Variants in SARS1 observed in about 807,000 individuals in gnomAD.
The protein encoded by SARS1 is serine--tRNA ligase, cytoplasmic.
In SARS1, 25 loss-of-function variants were observed where a neutral mutation model predicts 63.7. That is an observed-to-expected ratio of 0.39 (90% CI 0.29 to 0.55). The LOEUF (loss-of-function observed/expected upper bound fraction) is 0.55. SARS1 is among the 20% of genes least tolerant of loss of function. The probability of loss-of-function intolerance (pLI) is 0.62; values close to 1 mark genes in which losing one functional copy is unlikely to be tolerated. For synonymous variants in SARS1, 231 were observed against 243.5 expected (o/e 0.95, Z 0.48); for missense variants, 417 against 649.7 (o/e 0.64, Z 3.89).
chr1:109,226,683 T>TATATATATATATACAC (rs1426770488), intron 2 of SARS1, among the ~76,000 whole-genome samples: 13 of 41,630 alleles, frequency 3.1e-4, no homozygotes, highest in Non-Finnish European at 5.3e-4. Context: ...AAAAAATATA[T>TATATATATATATACAC]ATATATATAT....
rs763478132 is a variant in SARS1, at chr1:109,231,750, G to A, written c.711G>A (p.Val237=). The stretch of plus-strand genomic sequence containing the variant: ...TGAGGAAGGAGGTCATGCAGGAGGT[G>A]GCACAGCTCAGCCAGTTTGATGAAG... The part of the protein sequence containing the change: ...FFMRKEVMQE[V]AQLSQFDEEL... The change falls in exon 6 of 11, where the codon GTG becomes GTA. Residue 237 remains valine, a synonymous_variant. Transcript: ENST00000234677. 2 of 1,581,658 alleles carry A rather than the reference G, an allele frequency of 1.3e-6. No individual in the cohort carries two copies. The highest frequency in any genetic ancestry group is 2.3e-5 in the South Asian group (2 of 86,412).
intron 1 of SARS1, 150 bp from the exon 2 acceptor site, chr1:109,223,828 A>G: frequency 1.5e-6 from 1 of 647,822 alleles, no homozygotes; most frequent in Non-Finnish European, 2.8e-6. Context: ...AAAAAGCTGT[A>G]AGATTTTATA....
At chr1:109,215,626 T>C in intron 1 of SARS1, 1 of 976,762 alleles carries the variant, frequency 1.0e-6, no homozygotes. Flanking sequence ...TTATATTCTT[T>C]ATGAAAAGCA....
chr1:109,216,861 G>A lies in SARS1; in HGVS notation c.136+2733G>A, dbSNP rs554418679. 1.6e-4 allele frequency: 150 copies of A among 915,452 alleles called. No homozygotes were observed. In the African/African-American group the frequency reaches 1.7e-3, roughly 11 times the overall value. The allele number at this position is 915,452 out of a possible 1,614,324, so 56.7% of individuals were successfully genotyped here. ...TGGCCTCAAACTCCTGGCCTCAAGC[G>A]ATCCTCCCACCTCGGCCTCCCAAAG... On this transcript the variant is annotated intron_variant, in intron 1 of 10. Transcript: ENST00000234677.
At chr1:109,226,677 AATAT>A (rs1553177726) in intron 2 of SARS1, among the ~76,000 whole-genome samples, 1 of 44,980 alleles carries the variant, frequency 2.2e-5, no homozygotes, top group African/African-American at 8.3e-5. Flanking sequence ...AAAAAAAAAA[AATAT>A]ATATATATAT....
At position 109,216,143 on chromosome 1, in the gene SARS1, A is replaced by T. The variant is rs771138436; in HGVS notation, c.136+2015A>T. On this transcript the variant is annotated intron_variant, in intron 1 of 10. Transcript: ENST00000234677. Reference sequence around the variant, plus strand: ...CCAAGGTAGACACTGGCAGATTTATATCAAGGTTCTTTGACATCTTGAACT... The same window carrying T: ...CCAAGGTAGACACTGGCAGATTTATTTCAAGGTTCTTTGACATCTTGAACT... 1,609 of 985,326 alleles carry T rather than the reference A, an allele frequency of 1.6e-3. 2 individuals are homozygous for T. Among genetic ancestry groups the T allele is most frequent in the Non-Finnish European group, 1.9e-3 (1,561 of 829,934 alleles). 61.0% of individuals were successfully genotyped at this position (985,326 alleles called of 1,614,324 possible).
intron 1 of SARS1, among the ~76,000 whole-genome samples, chr1:109,219,262 C>CATATATAT (rs142272817): frequency 0.083 from 6,347 of 76,298 alleles, 590 homozygotes; most frequent in Non-Finnish European, 0.12. Context: ...CAAGACTCTC[C>CATATATAT]ATATATATAT....
At position 109,235,257 on chromosome 1, in the gene SARS1, G is replaced by T; in HGVS notation, c.795G>T (p.Glu265Asp). The change falls in exon 7 of 11, where the codon GAG (glutamate) becomes GAT (aspartate). Residue 265 changes from glutamate (E) to aspartate (D), a missense_variant. By Grantham distance (45) the Glu-to-Asp change is conservative. This residue lies in a region of SARS1 where 359 missense variants were observed against 529.6 expected (regional missense o/e 0.68). Transcript: ENST00000234677. This position sits in a 1 kb window ranked among gnomAD's most constrained non-coding sequence, Gnocchi z 4.7. ...AGTCTGATGACAACTCCTATGATGA[G>T]AAGTACCTGATTGCCACCTCAGAGC... ...SEKSDDNSYD[E>D]KYLIATSEQP... The T allele has an allele frequency of 6.2e-7, 1 of 1,614,152 alleles. No homozygotes were observed. The highest frequency in any genetic ancestry group is 1.1e-5 in the South Asian group (1 of 91,088).
At chr1:109,229,335 G>C (rs1361656135) in intron 3 of SARS1, 79 bp from the exon 4 acceptor site, 17 of 1,465,590 alleles carry the variant, frequency 1.2e-5, no homozygotes, top group African/African-American at 1.4e-5. Flanking sequence ...AGCACAACAG[G>C]GTTAGGGCAA....
chr1:109,238,148 C>G lies in SARS1; in HGVS notation c.*260C>G. 1 of 478,900 alleles carries G rather than the reference C, an allele frequency of 2.1e-6. No individual in the cohort carries two copies. The highest frequency in any genetic ancestry group is 3.8e-6 in the Non-Finnish European group (1 of 264,784). 29.7% of individuals were successfully genotyped at this position (478,900 alleles called of 1,614,324 possible). On this transcript the variant is annotated 3_prime_UTR_variant, in exon 11 of 11. Transcript: ENST00000234677. ...TAGGACTCTTCCTCAGTCTTCTTCC[C>G]CGGGCTTGAACCCCGCCTCTGAGGT...
At chr1:109,227,119 C>T (rs991039173) in intron 2 of SARS1, among the ~76,000 whole-genome samples, 1 of 151,492 alleles carries the variant, frequency 6.6e-6, no homozygotes, top group Admixed American at 6.6e-5. Flanking sequence ...TTCAGCCTCC[C>T]GAGTAGTTGG....
chr1:109,235,547 CT>C lies in SARS1; in HGVS notation c.969+118del. ...CTGGCTCCAGCTTTTCCTCTCATTG[CT>C]TACCTCTGTGTTTCTGGGGAAGTGC... On this transcript the variant is annotated intron_variant, in intron 7 of 10. Coordinates refer to ENST00000234677, the MANE Select transcript of SARS1 (RefSeq NM_006513.4). The surrounding 1 kb of genome is among the most constrained non-coding windows in gnomAD (Gnocchi z 4.7). 1 of 829,834 alleles carries C rather than the reference CT, an allele frequency of 1.2e-6. No homozygotes were observed. The highest frequency in any genetic ancestry group is 1.9e-6 in the Non-Finnish European group (1 of 529,854). 51.4% of individuals were successfully genotyped at this position (829,834 alleles called of 1,614,324 possible).
intron 3 of SARS1, 147 bp from the exon 4 acceptor site, chr1:109,229,267 A>G: frequency 1.3e-6 from 1 of 755,908 alleles, no homozygotes. Flanking sequence ...AGGAAATCTC[A>G]GTTCTTAAAA....
rs1655337621 is a variant in SARS1, at chr1:109,237,453, T to C, written c.1387+80T>C. On this transcript the variant is annotated intron_variant, in intron 10 of 10. Transcript: ENST00000234677. This position sits in a 1 kb window ranked among gnomAD's most constrained non-coding sequence, Gnocchi z 4.1. Reference sequence around the variant, plus strand: ...TAAATAGCAGTCCCCTTTCAGGATATACCAGGTTTTTTTGTTCAGACACAG... The same window carrying C: ...TAAATAGCAGTCCCCTTTCAGGATACACCAGGTTTTTTTGTTCAGACACAG... The C allele has an allele frequency of 6.3e-7, 1 of 1,591,856 alleles. No individual in the cohort carries two copies. The highest frequency in any genetic ancestry group is 8.6e-7 in the Non-Finnish European group (1 of 1,165,398).
At position 109,229,482 on chromosome 1, in the gene SARS1, G is replaced by A. The variant is rs531115562; in HGVS notation, c.357G>A (p.Ala119=). ...ATGAAGCCATCCTGAAGTGTGACGC[G>A]GAGCGGATAAAGTTGGAAGCAGAGC... ...LIDEAILKCD[A]ERIKLEAERF... Residue 119 remains alanine, a synonymous_variant, in exon 4 of 11, where the codon GCG becomes GCA. Transcript: ENST00000234677. The A allele has an allele frequency of 2.3e-5, 37 of 1,614,182 alleles. No individual in the cohort carries two copies. The highest frequency in any genetic ancestry group is 3.3e-4 in the Middle Eastern group (2 of 6,062).
At chr1:109,229,624 C>A (rs1406919356) in intron 4 of SARS1, 52 bp downstream of exon 4, 1 of 1,574,354 alleles carries the variant, frequency 6.4e-7, no homozygotes, top group Admixed American at 1.8e-5. Context: ...GCTGTCTCTG[C>A]AGGGGCGGGG....
chr1:109,214,415 C>T lies in SARS1; in HGVS notation c.136+287C>T, dbSNP rs1013086272. 103 of 703,678 alleles carry T rather than the reference C, an allele frequency of 1.5e-4. 1 individual carries two copies. Among genetic ancestry groups the T allele is most frequent in the Non-Finnish European group, 1.8e-4 (91 of 512,578 alleles). 43.6% of individuals were successfully genotyped at this position (703,678 alleles called of 1,614,324 possible). A position where few individuals can be genotyped will look rare whatever the true frequency, so the allele number is the denominator to read the frequency against. On this transcript the variant is annotated intron_variant, in intron 1 of 10. Transcript: ENST00000234677. This position sits in a 1 kb window ranked among gnomAD's most constrained non-coding sequence, Gnocchi z 4.6. ...CGGGAGCTGTCAAGCCTTCCTGCCC[C>T]AGGGGTTGCCAGAACATGCCGGGGC...
chr1:109,226,727 CATAT>C (rs879464713), intron 2 of SARS1, among the ~76,000 whole-genome samples: 49 of 40,774 alleles, frequency 1.2e-3, no homozygotes, highest in African/African-American at 1.5e-3. Context: ...CACACACACA[CATAT>C]ATATATATTT....
intron 1 of SARS1, chr1:109,215,324 A>G: frequency 1.0e-6 from 1 of 985,456 alleles, no homozygotes; most frequent in Non-Finnish European, 1.2e-6. Flanking sequence ...AGTCAGGAGT[A>G]TCAGATTTTT....
Sources: gnomAD v4.1 joint callset for allele counts (sites outside exome capture counted in the v4.1 genomes callset) on GRCh38, gnomAD v4.1.1 for gene constraint, gnomAD v4.1.1 regional missense constraint, Gnocchi (gnomAD v3.1) non-coding constraint, MANE v1.5 for transcripts, NCBI Gene and HGNC (gene_info 2026-07-23, HGNC 2026-07-21) for gene names.